Variants in XRN1 observed in about 807,000 individuals in gnomAD.
The protein encoded by XRN1 is strand-exchange protein 1 homolog.
In XRN1, 67 loss-of-function variants were observed where a neutral mutation model predicts 222.3. That is an observed-to-expected ratio of 0.30 (90% CI 0.25 to 0.37). The LOEUF is 0.37. XRN1 is among the 10% of genes least tolerant of loss of function. The probability of loss-of-function intolerance (pLI) is 1.00; values close to 1 mark genes in which losing one functional copy is unlikely to be tolerated. For synonymous variants in XRN1, 643 were observed against 652.4 expected, an observed-to-expected ratio of 0.99 and a Z score of 0.22; for missense variants, 1,707 against 2,000.2, an observed-to-expected ratio of 0.85 and a Z score of 2.80.
chr3:142,375,384 G>A (rs550302992), intron 25 of XRN1, among the ~76,000 whole-genome samples: 1 of 152,210 alleles, frequency 6.6e-6, no homozygotes, highest in African/African-American at 2.4e-5. Flanking sequence ...TGATTTCCTA[G>A]ATAATTTCAG....
chr3:142,313,447 C>T (rs1013124211), intron 39 of XRN1, among the ~76,000 whole-genome samples: 5 of 152,058 alleles, frequency 3.3e-5, no homozygotes, highest in East Asian at 1.9e-4. Context: ...GCTCCATAGG[C>T]GATTCTTATG....
chr3:142,399,450 G>T (rs538589488), intron 19 of XRN1, among the ~76,000 whole-genome samples: 39 of 152,074 alleles, frequency 2.6e-4, no homozygotes, highest in African/African-American at 9.4e-4. Flanking sequence ...ATTCAAAATG[G>T]ATTACTGATT....
Position 142,376,744 on chromosome 3 carries a change from T to A in XRN1, c.2716-150A>T, listed in dbSNP as rs888737963. The A allele has an allele frequency of 6.8e-6, 4 of 590,444 alleles. No individual in the cohort carries two copies. The Admixed American group carries it at 1.3e-4, about 20-fold the overall frequency. 36.6% of individuals were successfully genotyped at this position (590,444 alleles called of 1,614,324 possible). ...GATTTTCACTTAGATCCATTTCCCC[T>A]TTTTTTTGAAAGGATCTGTAGGCAG... On this transcript the variant is annotated intron_variant, in intron 23 of 40. Coordinates refer to ENST00000392981, the MANE Select transcript of XRN1 (RefSeq NM_001282857.2).
chr3:142,317,202 T>C (rs2065234922), intron 39 of XRN1, among the ~76,000 whole-genome samples: 1 of 152,216 alleles, frequency 6.6e-6, no homozygotes, highest in Non-Finnish European at 1.5e-5. Context: ...CAACATTTGG[T>C]GGCTCTTTTA....
intron 2 of XRN1, among the ~76,000 whole-genome samples, chr3:142,432,027 AT>A (rs1354480563): frequency 3.5e-5 from 3 of 85,096 alleles, no homozygotes; most frequent in African/African-American, 1.6e-4. Flanking sequence ...TTTTTAATAT[AT>A]ATAATCTTTT....
At chr3:142,374,170 G>A (rs1326295102) in intron 25 of XRN1, among the ~76,000 whole-genome samples, 1 of 152,084 alleles carries the variant, frequency 6.6e-6, no homozygotes, top group African/African-American at 2.4e-5. Context: ...GAAAGAGTGA[G>A]GCATGAAAGT....
chr3:142,379,500 G>A (rs1655344890), intron 23 of XRN1, among the ~76,000 whole-genome samples: 1 of 152,152 alleles, frequency 6.6e-6, no homozygotes. Context: ...CTGGTTGATT[G>A]CGAATTAATT....
At chr3:142,433,037 G>T in intron 1 of XRN1, 144 bp from the exon 2 acceptor site, 1 of 653,168 alleles carries the variant, frequency 1.5e-6, no homozygotes. Flanking sequence ...AATCACAGAT[G>T]AATACAAAAA....
At chr3:142,359,816 A>G in intron 30 of XRN1, 46 bp downstream of exon 30, 3 of 1,393,164 alleles carry the variant, frequency 2.2e-6, no homozygotes, top group Non-Finnish European at 3.0e-6. Context: ...GTCACTGGCC[A>G]CATGAACATA....
chr3:142,351,021 T>C lies in XRN1; in HGVS notation c.3769-3679A>G, dbSNP rs113903508. Among the ~76,000 whole-genome samples the C allele has an allele frequency of 5.2e-3, 787 of 152,256 alleles. 9 individuals carry two copies. Among genetic ancestry groups the C allele is most frequent in the African/African-American group, 0.018 (765 of 41,562 alleles). ...GCTGGAAAGAGAAGTTTGGGAGACATGATGTATGTACTTTTGTAGGTATAT... is the reference window on the plus strand; with the variant it reads ...GCTGGAAAGAGAAGTTTGGGAGACACGATGTATGTACTTTTGTAGGTATAT... On this transcript the variant is annotated intron_variant, in intron 32 of 40. Transcript: ENST00000392981.
intron 32 of XRN1, among the ~76,000 whole-genome samples, chr3:142,349,823 T>C (rs2066254966): frequency 1.3e-5 from 2 of 151,942 alleles, no homozygotes; most frequent in Admixed American, 1.3e-4. Flanking sequence ...AACATGAGAG[T>C]GTTCAGCTGA....
chr3:142,339,999 G>A (rs1315942883), intron 33 of XRN1, among the ~76,000 whole-genome samples: 1 of 152,154 alleles, frequency 6.6e-6, no homozygotes, highest in Non-Finnish European at 1.5e-5. Flanking sequence ...AAATGTATCA[G>A]AGTCTCATAA....
intron 8 of XRN1, 24 bp from the exon 9 acceptor site, chr3:142,421,567 CT>C (rs765832466): frequency 1.3e-6 from 2 of 1,537,242 alleles, no homozygotes; most frequent in Non-Finnish European, 1.8e-6. Flanking sequence ...AAATTTAAAT[CT>C]GTACTAAAAG....
intron 1 of XRN1, 136 bp from the exon 2 acceptor site, chr3:142,433,029 TCA>T: frequency 7.4e-6 from 5 of 673,758 alleles, no homozygotes; most frequent in Non-Finnish European, 9.4e-6. Context: ...GAGTAAACAA[TCA>T]CAGATGAATA....
At chr3:142,444,807 T>C (rs189289402) in intron 1 of XRN1, among the ~76,000 whole-genome samples, 1 of 152,094 alleles carries the variant, frequency 6.6e-6, no homozygotes, top group East Asian at 1.9e-4. Context: ...AAACATCTCA[T>C]GAACCCCATA....
chr3:142,312,811 T>A, intron 39 of XRN1, 53 bp from the exon 40 acceptor site: 1 of 1,543,242 alleles, frequency 6.5e-7, no homozygotes. Context: ...TCATCAAAGC[T>A]CTGAAATTTG....
intron 37 of XRN1, among the ~76,000 whole-genome samples, chr3:142,320,740 A>T (rs925521838): frequency 1.2e-4 from 19 of 152,210 alleles, no homozygotes; most frequent in African/African-American, 4.6e-4. Flanking sequence ...GATATTTTTT[A>T]TCAGATATAT....
rs200974219 is a variant in XRN1, at chr3:142,422,843, C to A, written c.790G>T (p.Val264Leu). The change falls in exon 7 of 41, where the codon GTA becomes TTA. Residue 264 changes from valine (V) to leucine (L), a missense_variant. Physicochemically the swap from Val to Leu is conservative, Grantham distance 32 (BLOSUM62 1). Around this residue, in one of 2 missense-constraint regions of XRN1, gnomAD observed 1,234 missense variants for 1,518.2 expected, o/e 0.81. Coordinates refer to ENST00000392981, the MANE Select transcript of XRN1 (RefSeq NM_001282857.2). ...MREYIDYEFS[V>L]LKEKITFKYD... Reference sequence around the variant, plus strand: ...GCTTTATTAATACTTACTTTTAATACTGAAAACTCATAGTCAATATACTCT... The same window carrying A: ...GCTTTATTAATACTTACTTTTAATAATGAAAACTCATAGTCAATATACTCT... 1.2e-6 allele frequency: 2 copies of A among 1,607,818 alleles called. No individual in the cohort carries two copies. The highest frequency in any genetic ancestry group is 1.7e-5 in the Admixed American group (1 of 59,362).
At chr3:142,319,096 T>C (rs1398747675) in intron 37 of XRN1, among the ~76,000 whole-genome samples, 193 bp from the exon 38 acceptor site, 1 of 152,218 alleles carries the variant, frequency 6.6e-6, no homozygotes, top group Non-Finnish European at 1.5e-5. Flanking sequence ...AATAAAAAGC[T>C]TTCTAAGCTG....
Sources: gnomAD v4.1 joint callset for allele counts (sites outside exome capture counted in the v4.1 genomes callset) on GRCh38, gnomAD v4.1.1 for gene constraint, gnomAD v4.1.1 regional missense constraint, MANE v1.5 for transcripts, NCBI Gene and HGNC (gene_info 2026-07-23, HGNC 2026-07-21) for gene names.